The following MPPED2 variants were observed in gnomAD, a reference collection of about 807,000 sequenced individuals.
MPPED2 encodes metallophosphoesterase domain containing 2.
In MPPED2, 5 loss-of-function variants were observed where a neutral mutation model predicts 33.0. The observed-to-expected ratio is 0.15, with a 90% CI of 0.08 to 0.32. MPPED2 has a LOEUF of 0.32. MPPED2 is among the 10% of genes least tolerant of loss of function. The probability of loss-of-function intolerance (pLI) is 1.00; values close to 1 mark genes in which losing one functional copy is unlikely to be tolerated. For missense variants in MPPED2, 275 were observed against 372.1 expected (o/e 0.74, Z 2.15); for synonymous variants, 136 against 141.9 (o/e 0.96, Z 0.29).
At chr11:30,397,582 A>T (rs1947854014) in intron 6 of MPPED2, among the ~76,000 whole-genome samples, 1 of 152,124 alleles carries the variant, frequency 6.6e-6, no homozygotes. Flanking sequence ...CATTCATAAA[A>T]GGTCTATATA....
intron 3 of MPPED2, among the ~76,000 whole-genome samples, chr11:30,526,273 C>G (rs1256510749): frequency 6.6e-6 from 1 of 151,818 alleles, no homozygotes; most frequent in African/African-American, 2.4e-5. Context: ...TCATAGACAC[C>G]TACTGAAATC....
At chr11:30,541,850 C>T (rs1018878121) in intron 2 of MPPED2, among the ~76,000 whole-genome samples, 2 of 152,192 alleles carry the variant, frequency 1.3e-5, no homozygotes, top group Non-Finnish European at 2.9e-5. Context: ...CCTTGGCCTC[C>T]CAAAGTGTTA....
chr11:30,446,806 C>G (rs75109770), intron 4 of MPPED2, among the ~76,000 whole-genome samples: 10 of 152,130 alleles, frequency 6.6e-5, no homozygotes, highest in South Asian at 2.1e-4. Context: ...CTGTCGGAGC[C>G]CCCCCCGACG....
At chr11:30,535,944 C>T in intron 3 of MPPED2, 50 bp downstream of exon 3, 1 of 1,493,956 alleles carries the variant, frequency 6.7e-7, no homozygotes, top group Non-Finnish European at 9.0e-7. Context: ...GTGAGTGACA[C>T]TCGGACGGGA....
chr11:30,557,474 C>A (rs149225175), intron 2 of MPPED2, among the ~76,000 whole-genome samples: 2 of 152,202 alleles, frequency 1.3e-5, no homozygotes, highest in African/African-American at 4.8e-5. Flanking sequence ...TATTAGCTCT[C>A]ACTATTGTAT....
Position 30,431,570 on chromosome 11 carries a change from A to G in MPPED2, c.537-13937T>C, listed in dbSNP as rs78784186. ...GTTATTGTAAAGATTAGGAAACAGC[A>G]TGATACAAAATTGATCAGAATGATA... On this transcript the variant is annotated intron_variant, in intron 4 of 6. Coordinates refer to ENST00000358117, the MANE Select transcript of MPPED2 (RefSeq NM_001584.3). Among the ~76,000 whole-genome samples, 569 of 152,364 alleles carry G rather than the reference A, an allele frequency of 3.7e-3. 4 individuals carry two copies. Among genetic ancestry groups the G allele is most frequent in the African/African-American group, 0.013 (551 of 41,586 alleles).
chr11:30,536,245 C>A, intron 2 of MPPED2, 70 bp from the exon 3 acceptor site: 1 of 1,315,994 alleles, frequency 7.6e-7, no homozygotes, highest in Non-Finnish European at 1.0e-6. Flanking sequence ...GTCGCACATA[C>A]ATATTTATTA....
intron 4 of MPPED2, among the ~76,000 whole-genome samples, chr11:30,464,731 C>A (rs1034524740): frequency 1.3e-5 from 2 of 152,244 alleles, no homozygotes; most frequent in Admixed American, 6.5e-5. Flanking sequence ...CTAATCAATT[C>A]ACTTTTATGG....
chr11:30,448,682 AT>A (rs370379481), intron 4 of MPPED2, among the ~76,000 whole-genome samples: 145 of 145,630 alleles, frequency 1.0e-3, no homozygotes, highest in African/African-American at 1.6e-3. Flanking sequence ...ACTCCCCACT[AT>A]TTTTTTTTTT....
intron 4 of MPPED2, among the ~76,000 whole-genome samples, chr11:30,473,829 A>G (rs1243747062): frequency 1.3e-5 from 2 of 152,184 alleles, no homozygotes; most frequent in African/African-American, 4.8e-5. Context: ...TAGTAAACAG[A>G]AAACCCAGAA....
At chr11:30,551,599 G>T (rs1304068830) in intron 2 of MPPED2, among the ~76,000 whole-genome samples, 1 of 152,182 alleles carries the variant, frequency 6.6e-6, no homozygotes, top group African/African-American at 2.4e-5. Context: ...GCTGTCTTTT[G>T]TCAGGTGTTT....
intron 3 of MPPED2, among the ~76,000 whole-genome samples, chr11:30,513,843 G>A (rs1953366975): frequency 6.6e-6 from 1 of 151,806 alleles, no homozygotes; most frequent in African/African-American, 2.4e-5. Flanking sequence ...ATGAAAATAG[G>A]AAACAAGATA....
intron 4 of MPPED2, among the ~76,000 whole-genome samples, chr11:30,481,571 A>T (rs1260128804): frequency 2.0e-5 from 3 of 152,136 alleles, no homozygotes; most frequent in African/African-American, 7.2e-5. Context: ...TGTTTTGCAG[A>T]TTAATAGAAC....
intron 4 of MPPED2, among the ~76,000 whole-genome samples, chr11:30,472,840 C>T (rs1311456848): frequency 6.6e-6 from 1 of 152,130 alleles, no homozygotes; most frequent in Non-Finnish European, 1.5e-5. Flanking sequence ...AATTGCACAA[C>T]AATGTACATG....
Position 30,505,786 on chromosome 11 carries a change from T to C in MPPED2, c.311-10265A>G, listed in dbSNP as rs535932329. On this transcript the variant is annotated intron_variant, in intron 3 of 6. Transcript: ENST00000358117. ...TATACAACCTGAACTTACAGGAATA[T>C]GTGGCATAAAGGAAAGAGTGTGGAC... Among the ~76,000 whole-genome samples, 4 of 152,346 alleles carry C rather than the reference T, an allele frequency of 2.6e-5. No individual in the cohort carries two copies. In the East Asian group the frequency reaches 7.7e-4, roughly 29 times the overall value.
chr11:30,577,935 C>A (rs556899618), intron 2 of MPPED2, among the ~76,000 whole-genome samples: 1 of 152,290 alleles, frequency 6.6e-6, no homozygotes, highest in South Asian at 2.1e-4. Context: ...CTCAGAAGAA[C>A]AAGCCTTTCT....
intron 6 of MPPED2, among the ~76,000 whole-genome samples, chr11:30,391,696 ATTTT>A (rs2133696089): frequency 6.6e-6 from 1 of 152,280 alleles, no homozygotes; most frequent in South Asian, 2.1e-4. Flanking sequence ...AGTTCTCATT[ATTTT>A]CCAATCAACA....
intron 4 of MPPED2, among the ~76,000 whole-genome samples, chr11:30,420,690 G>A (rs1948571742): frequency 6.6e-6 from 1 of 152,136 alleles, no homozygotes; most frequent in Admixed American, 6.5e-5. Flanking sequence ...ACCTCAATTT[G>A]CTTGGGAGGC....
intron 3 of MPPED2, 67 bp downstream of exon 3, chr11:30,535,927 G>A: frequency 7.2e-7 from 1 of 1,385,636 alleles, no homozygotes; most frequent in African/African-American, 1.4e-5. Context: ...AATTCAATTA[G>A]GACGCAGTGA....
Sources: gnomAD v4.1 joint callset for allele counts (sites outside exome capture counted in the v4.1 genomes callset) on GRCh38, gnomAD v4.1.1 for gene constraint, MANE v1.5 for transcripts, NCBI Gene and HGNC (gene_info 2026-07-23, HGNC 2026-07-21) for gene names.